MAGOHB: variants seen among roughly 807,000 people sequenced by gnomAD.
MAGOHB encodes the protein mago homolog B, exon junction complex subunit, also known as protein mago nashi homolog 2.
In MAGOHB, 15 loss-of-function variants were observed where a neutral mutation model predicts 20.9. The observed-to-expected ratio is 0.72, with a 90% confidence interval of 0.48 to 1.11. The LOEUF is 1.11. Ranked by LOEUF, MAGOHB falls within the 50% of genes least tolerant of loss-of-function variation. The pLI is 0.00. For synonymous variants in MAGOHB, 50 were observed against 57.9 expected (o/e 0.86, Z 0.62); for missense variants, 162 against 177.6 (o/e 0.91, Z 0.50).
At chr12:10,600,049 T>A (rs1375366022), downstream of MAGOHB, among the ~76,000 whole-genome samples, 1 of 152,150 alleles carries the variant, frequency 6.6e-6, no homozygotes, top group Non-Finnish European at 1.5e-5. Context: ...ATGTCATTAT[T>A]TTTTAAAAGT....
rs1237690191 is a variant in MAGOHB at position 10,606,289 on chromosome 12, T to A, written c.433A>T (p.Ile145Phe). ...VFSLIGLHFK[I>F]KPI ...AAACATACAATTTAAATTGGTTTAATCTTGAAGTGTAATCCAATAAGACTG... is the reference window on the plus strand; with the variant it reads ...AAACATACAATTTAAATTGGTTTAAACTTGAAGTGTAATCCAATAAGACTG... The change falls in exon 5 of 5, where the codon ATT (isoleucine) becomes TTT (phenylalanine). Residue 145 changes from isoleucine (I) to phenylalanine (F), a missense_variant. By Grantham distance (21) the Ile-to-Phe change is conservative. Coordinates refer to ENST00000320756, the MANE Select transcript of MAGOHB (RefSeq NM_018048.5). 1 of 1,518,258 alleles carries A rather than the reference T, an allele frequency of 6.6e-7. No homozygotes were observed. The highest frequency in any genetic ancestry group is 1.7e-4 in the Middle Eastern group (1 of 5,844). 94.0% of individuals were successfully genotyped at this position (1,518,258 alleles called of 1,614,324 possible). A position where few individuals can be genotyped will look rare whatever the true frequency, so the allele number is the denominator to read the frequency against.
chr12:10,603,056 T>C (rs1431026932), downstream of MAGOHB, among the ~76,000 whole-genome samples: 4 of 152,040 alleles, frequency 2.6e-5, no homozygotes, highest in African/African-American at 7.2e-5. Context: ...CTGGCTCTTA[T>C]AGTAAAGAAA....
At position 10,607,894 on chromosome 12, in the gene MAGOHB, T is replaced by C. The variant is rs767743412; in HGVS notation, c.307A>G (p.Thr103Ala). The change falls in exon 4 of 5, where the codon ACA becomes GCA. Residue 103 changes from threonine (T) to alanine (A), a missense_variant. Thr to Ala is a moderately conservative substitution (Grantham distance 58). Coordinates refer to ENST00000320756, the MANE Select transcript of MAGOHB (RefSeq NM_018048.5). ...TCAATAAGAGAACCTATTTTTGATG[T>C]GGTAAAAGATATGTGCTCATCTCCA... Reference protein sequence around the residue: ...VIGDEHISFTTSKIGSLIDVN... With the variant: ...VIGDEHISFTASKIGSLIDVN... 7 of 1,593,652 alleles carry C rather than the reference T, an allele frequency of 4.4e-6. No individual in the cohort carries two copies. The highest frequency in any genetic ancestry group is 6.0e-6 in the Non-Finnish European group (7 of 1,169,720).
downstream of MAGOHB, among the ~76,000 whole-genome samples, chr12:10,601,180 G>A (rs1054626600): frequency 2.0e-5 from 3 of 152,088 alleles, no homozygotes; most frequent in Admixed American, 6.5e-5. Flanking sequence ...CAGGGTCAGG[G>A]GCTGGGGTGT....
chr12:10,613,314 C>A (rs997626525), intron 1 of MAGOHB, 125 bp downstream of exon 1: 7 of 810,660 alleles, frequency 8.6e-6, no homozygotes, highest in Non-Finnish European at 1.5e-5. Context: ...TATGCCTCCT[C>A]TATTCTTAAG....
downstream of MAGOHB, among the ~76,000 whole-genome samples, chr12:10,603,313 C>CAAAA (rs11296285): frequency 2.7e-5 from 2 of 75,124 alleles, no homozygotes; most frequent in Non-Finnish European, 5.4e-5. Flanking sequence ...GACTCCGTCT[C>CAAAA]AAAAAAAAAA....
At chr12:10,603,989 CAAAT>C (rs1228454910), downstream of MAGOHB, among the ~76,000 whole-genome samples, 1 of 152,126 alleles carries the variant, frequency 6.6e-6, no homozygotes, top group African/African-American at 2.4e-5. Flanking sequence ...AATATCCATA[CAAAT>C]AGACTCAGCC....
In MAGOHB at chr12:10,609,957, A is replaced by C. The variant is rs1256602795; in HGVS notation, c.154-16T>G. On this transcript the variant is annotated splice_polypyrimidine_tract_variant and intron_variant, in intron 2 of 4. Transcript: ENST00000320756. ...GCACATAAGCCTAAAAATTAATCAT[A>C]ATAAAATGAGATAATGCCCACCTAT... 6.8e-7 allele frequency: 1 copy of C among 1,480,750 alleles called. No individual in the cohort carries two copies. The highest frequency in any genetic ancestry group is 1.4e-5 in the African/African-American group (1 of 71,138). 91.7% of individuals were successfully genotyped at this position (1,480,750 alleles called of 1,614,324 possible). A position where few individuals can be genotyped will look rare whatever the true frequency, so the allele number is the denominator to read the frequency against.
At chr12:10,600,180 T>C (rs1865541209), downstream of MAGOHB, among the ~76,000 whole-genome samples, 1 of 152,080 alleles carries the variant, frequency 6.6e-6, no homozygotes, top group Admixed American at 6.5e-5. Context: ...TATGTTGTGC[T>C]TACTATCAAG....
chr12:10,600,789 G>T (rs535510895), downstream of MAGOHB, among the ~76,000 whole-genome samples: 1 of 152,150 alleles, frequency 6.6e-6, no homozygotes, highest in Non-Finnish European at 1.5e-5. Flanking sequence ...TCTGATTACA[G>T]TTCTAGGAAA....
intron 3 of MAGOHB, 114 bp downstream of exon 3, chr12:10,609,717 A>C: frequency 1.5e-6 from 1 of 677,142 alleles, no homozygotes; most frequent in Non-Finnish European, 2.5e-6. Context: ...CCAGGTGCCT[A>C]TTAAATAGAA....
chr12:10,601,705 G>T (rs888496783), downstream of MAGOHB, among the ~76,000 whole-genome samples: 2 of 152,142 alleles, frequency 1.3e-5, no homozygotes, highest in Admixed American at 6.5e-5. Flanking sequence ...ATTGTTACTT[G>T]AAGTCCAAGA....
chr12:10,600,156 GT>G (rs563135807), downstream of MAGOHB, among the ~76,000 whole-genome samples: 4 of 151,148 alleles, frequency 2.6e-5, no homozygotes. Flanking sequence ...TATTCTTCCA[GT>G]TTTTTTTCTC....
At position 10,606,358 on chromosome 12, in the gene MAGOHB, G is replaced by A. The variant is rs1865629903; in HGVS notation, c.364C>T (p.Arg122Ter). Residue 122 changes from arginine (R) to a stop codon, truncating the protein, a stop_gained, in exon 5 of 5, where the codon CGA (arginine) becomes TGA (stop). Transcript: ENST00000320756. LOFTEE classifies it high-confidence loss of function. ...VNQSKDPEGL[R>*]VFYYLVQDLK... is the part of the protein sequence containing the mutation. ...TCTTGTACCAAATAGTAAAATACTC[G>A]AAGGCCTTCAGGATCCCTAAAATTT... The A allele has an allele frequency of 3.2e-6, 5 of 1,569,968 alleles. No homozygotes were observed. The highest frequency in any genetic ancestry group is 1.7e-4 in the Middle Eastern group (1 of 5,998).
At chr12:10,600,093 A>G (rs183781611), downstream of MAGOHB, among the ~76,000 whole-genome samples, 1 of 152,148 alleles carries the variant, frequency 6.6e-6, no homozygotes, top group East Asian at 1.9e-4. Flanking sequence ...AAGTAAATGT[A>G]TTTTTTAAAT....
intron 3 of MAGOHB, 167 bp downstream of exon 3, chr12:10,609,664 G>C: frequency 1.7e-6 from 1 of 589,050 alleles, no homozygotes; most frequent in Non-Finnish European, 3.0e-6. Context: ...CTAGGAGGTA[G>C]CACAGAAAAA....
chr12:10,613,111 T>C (rs1162641000), intron 1 of MAGOHB: 1 of 516,816 alleles, frequency 1.9e-6, no homozygotes, highest in Non-Finnish European at 3.2e-6. Flanking sequence ...CAAGATTTTA[T>C]TCATCCACTG....
downstream of MAGOHB, among the ~76,000 whole-genome samples, chr12:10,600,459 A>C (rs1865543687): frequency 6.6e-6 from 1 of 152,104 alleles, no homozygotes. Flanking sequence ...TATGTATTTA[A>C]AGAACTCTAA....
Position 10,613,502 on chromosome 12 carries a change from A to T in MAGOHB, c.31T>A (p.Tyr11Asn). ...AACTTGCCCTTGTGCCCTACGTAGT[A>T]GCGCAGGTAGAAATCGCTAGCCACA... Reference protein sequence around the residue: MAVASDFYLRYYVGHKGKFGH... With the variant: MAVASDFYLRNYVGHKGKFGH... The change falls in exon 1 of 5, where the codon TAC becomes AAC. Residue 11 changes from tyrosine (Y) to asparagine (N), a missense_variant. Transcript: ENST00000320756. 1 of 1,614,140 alleles carries T rather than the reference A, an allele frequency of 6.2e-7. No homozygotes were observed. The highest frequency in any genetic ancestry group is 8.5e-7 in the Non-Finnish European group (1 of 1,180,014).
Sources: allele counts gnomAD v4.1 joint callset (sites outside exome capture counted in the v4.1 genomes callset), GRCh38; gene constraint gnomAD v4.1.1; transcripts MANE v1.5; gene names NCBI Gene and HGNC (gene_info 2026-07-23, HGNC 2026-07-21).